TNC: variants seen among roughly 807,000 people sequenced by gnomAD.
TNC encodes tenascin C.
In TNC, 109 loss-of-function variants were observed where a neutral mutation model predicts 202.4. That is an observed-to-expected ratio of 0.54 (90% confidence interval 0.46 to 0.63). The LOEUF (loss-of-function observed/expected upper bound fraction) is 0.63. TNC is among the 30% of genes least tolerant of loss of function. The pLI is 0.00. For synonymous variants in TNC, 1,007 were observed against 1,089.7 expected, an observed-to-expected ratio of 0.92 and a Z score of 1.50; for missense variants, 2,756 against 2,833.3, an observed-to-expected ratio of 0.97 and a Z score of 0.62.
intron 1 of TNC, among the ~76,000 whole-genome samples, chr9:115,102,724 T>C (rs985378295): frequency 2.0e-5 from 3 of 152,258 alleles, no homozygotes; most frequent in African/African-American, 7.2e-5. Flanking sequence ...CTATAAACAG[T>C]TGGTTTGCAT....
chr9:115,080,274 A>G (rs936689372), intron 6 of TNC, among the ~76,000 whole-genome samples: 4 of 152,154 alleles, frequency 2.6e-5, no homozygotes, highest in Non-Finnish European at 4.4e-5. Context: ...CCTCCATAGC[A>G]ACTAAGCATT....
In TNC at chr9:115,019,966, T is replaced by C. The variant is rs1322040672; in HGVS notation, c.*1191A>G. 1 of 152,160 alleles carries C rather than the reference T, an allele frequency of 6.6e-6. No homozygotes were observed. The highest frequency in any genetic ancestry group is 1.5e-5 in the Non-Finnish European group (1 of 68,034). The allele number at this position is 152,160 out of a possible 1,614,324, so 9.4% of individuals were successfully genotyped here. ...GCATTAGAAAATGAGTATAAAAGCA[T>C]CTTTTAAACCATAATCTATTAGTCT... On this transcript the variant is annotated 3_prime_UTR_variant, in exon 28 of 28. Transcript: ENST00000350763.
chr9:115,080,658 C>T (rs142514410), intron 6 of TNC, among the ~76,000 whole-genome samples: 1,857 of 151,946 alleles, frequency 0.012, 38 homozygotes, highest in African/African-American at 0.043. Context: ...CGCCTGTAAT[C>T]CTAGCACTTT....
At chr9:115,024,247 G>C (rs545977451) in intron 26 of TNC, 111 bp from the exon 27 acceptor site, 306 of 1,109,284 alleles carry the variant, frequency 2.8e-4, no homozygotes, top group Non-Finnish European at 2.8e-4. Flanking sequence ...TGTGGGACTG[G>C]CCTTGAACAT....
chr9:115,024,251 T>C, intron 26 of TNC, 115 bp from the exon 27 acceptor site: 1 of 1,039,916 alleles, frequency 9.6e-7, no homozygotes, highest in South Asian at 1.6e-5. Flanking sequence ...GGACTGGCCT[T>C]GAACATTGAT....
At chr9:115,112,897 A>C (rs1383123065) in intron 1 of TNC, 1 of 152,652 alleles carries the variant, frequency 6.6e-6, no homozygotes, top group African/African-American at 2.4e-5. Flanking sequence ...GGGGGATTCC[A>C]GGCAGCCTGC....
chr9:115,033,147 T>C (rs1830070270), intron 22 of TNC, among the ~76,000 whole-genome samples: 1 of 152,176 alleles, frequency 6.6e-6, no homozygotes, highest in South Asian at 2.1e-4. Context: ...CATAAATTGT[T>C]GGAGGCAGAG....
chr9:115,071,052 C>T (rs912630393), intron 10 of TNC, among the ~76,000 whole-genome samples: 5 of 152,194 alleles, frequency 3.3e-5, no homozygotes, highest in Non-Finnish European at 5.9e-5. Context: ...AATGTTATCT[C>T]AGTGTCTGTT....
rs1458333058 is a variant in TNC at position 115,087,039 on chromosome 9, C to T, written c.692G>A (p.Cys231Tyr). 1.2e-6 allele frequency: 2 copies of T among 1,613,550 alleles called. No homozygotes were observed. Among genetic ancestry groups the T allele is most frequent in the Non-Finnish European group, 1.7e-6 (2 of 1,179,540 alleles). The change falls in exon 3 of 28, where the codon TGC (cysteine) becomes TAC (tyrosine). Residue 231 changes from cysteine to tyrosine, a missense_variant. Coordinates refer to ENST00000350763, the MANE Select transcript of TNC (RefSeq NM_002160.4). Reference protein sequence around the residue: ...CPSDCNDQGKCVNGVCICFEG... With the variant: ...CPSDCNDQGKYVNGVCICFEG... ...GAAACAGATGCAGACTCCATTTACG[C>T]ACTTGCCCTGGTCATTGCAGTCGCT...
chr9:115,057,582 C>T (rs1832234993), intron 14 of TNC, among the ~76,000 whole-genome samples, 157 bp from the exon 15 acceptor site: 1 of 152,056 alleles, frequency 6.6e-6, no homozygotes, highest in African/African-American at 2.4e-5. Context: ...CAATTAGTGC[C>T]AAAGGGAGAG....
chr9:115,095,482 ATATATATATGTATATATATG>A (rs1262699503), intron 1 of TNC, among the ~76,000 whole-genome samples: 644 of 39,480 alleles, frequency 0.016, 110 homozygotes, highest in African/African-American at 0.054. Flanking sequence ...ATATATATGT[ATATATATATGTATATATATG>A]TATATATATA....
intron 13 of TNC, among the ~76,000 whole-genome samples, chr9:115,060,713 A>C (rs1832479612): frequency 6.6e-6 from 1 of 152,198 alleles, no homozygotes; most frequent in Admixed American, 6.5e-5. Context: ...GGGTTGATAA[A>C]GTGTATGCTG....
At position 115,081,935 on chromosome 9, in the gene TNC, G is replaced by A; in HGVS notation, c.2248-7C>T. ...CTCCCTCATCTTCTTTATTCTGAGA[G>A]ATAGAGGCAGCTTGGTAAGAGTTAG... On this transcript the variant is annotated splice_region_variant and splice_polypyrimidine_tract_variant and intron_variant, in intron 5 of 27. Coordinates refer to ENST00000350763, the MANE Select transcript of TNC (RefSeq NM_002160.4). The A allele has an allele frequency of 1.9e-6, 3 of 1,580,440 alleles. No individual in the cohort carries two copies. The highest frequency in any genetic ancestry group is 2.6e-6 in the Non-Finnish European group (3 of 1,171,674).
chr9:115,084,991 C>T (rs373089869), intron 3 of TNC, among the ~76,000 whole-genome samples: 3 of 152,130 alleles, frequency 2.0e-5, no homozygotes, highest in Middle Eastern at 3.2e-3. Context: ...TCCCTGCTTG[C>T]GCCACATTGA....
chr9:115,059,805 T>C lies in TNC; in HGVS notation c.4231A>G (p.Thr1411Ala). Residue 1411 changes from threonine to alanine, a missense_variant, in exon 14 of 28, where the codon ACG (threonine) becomes GCG (alanine). Around this residue, in one of 2 missense-constraint regions of TNC, gnomAD observed 2,559 missense variants for 2,546.0 expected, o/e 1.01. Transcript: ENST00000350763. ...CCATAGATGGAGACTCTATAAGGCG[T>C]GGCAGCCTCGAGGCCCGGGATGTCC... ...AVDIPGLEAA[T>A]PYRVSIYGVI... The C allele has an allele frequency of 6.2e-7, 1 of 1,614,108 alleles. No homozygotes were observed. Among genetic ancestry groups the C allele is most frequent in the Non-Finnish European group, 8.5e-7 (1 of 1,179,990 alleles).
In TNC at chr9:115,086,779, C is replaced by T; in HGVS notation, c.952G>A (p.Asp318Asn). 1 of 1,614,028 alleles carries T rather than the reference C, an allele frequency of 6.2e-7. No individual in the cohort carries two copies. Residue 318 changes from aspartate to asparagine, a missense_variant, in exon 3 of 28, where the codon GAC becomes AAC. By Grantham distance (23) the Asp-to-Asn change is conservative. Coordinates refer to ENST00000350763, the MANE Select transcript of TNC (RefSeq NM_002160.4). ...ATGCAGCGGCCCCGGTCGAAGCAGTCATTGGGGCAGATGAGCTCACTGCAG... is the reference window on the plus strand; with the variant it reads ...ATGCAGCGGCCCCGGTCGAAGCAGTTATTGGGGCAGATGAGCTCACTGCAG... The part of the protein sequence containing the change: ...EDCSELICPN[D>N]CFDRGRCING...
In TNC at chr9:115,086,017, G is replaced by C. The variant is rs999968469; in HGVS notation, c.1714C>G (p.Arg572Gly). 1.2e-6 allele frequency: 2 copies of C among 1,613,952 alleles called. No individual in the cohort carries two copies. The highest frequency in any genetic ancestry group is 1.7e-6 in the Non-Finnish European group (2 of 1,179,974). The change falls in exon 3 of 28, where the codon CGC becomes GGC. Residue 572 changes from arginine to glycine, a missense_variant. Coordinates refer to ENST00000350763, the MANE Select transcript of TNC (RefSeq NM_002160.4). ...CAGATGCACTGGCCGTCCACGCAGC[G>C]GCCCTGGCCATGACAGTCACTGGGA... ...RCPSDCHGQGRCVDGQCICHE... is the reference protein window; with the variant it reads ...RCPSDCHGQGGCVDGQCICHE...
intron 9 of TNC, 69 bp from the exon 10 acceptor site, chr9:115,073,935 C>A: frequency 6.6e-7 from 1 of 1,508,488 alleles, no homozygotes; most frequent in Non-Finnish European, 8.9e-7. Flanking sequence ...GGCTGAAAGT[C>A]AACTGCATCT....
chr9:115,020,383 C>T lies in TNC; in HGVS notation c.*774G>A, dbSNP rs754449130. The T allele has an allele frequency of 2.5e-5, 4 of 157,816 alleles. No homozygotes were observed. The highest frequency in any genetic ancestry group is 4.2e-5 in the Non-Finnish European group (3 of 72,248). The allele number at this position is 157,816 out of a possible 1,614,324, so 9.8% of individuals were successfully genotyped here. On this transcript the variant is annotated 3_prime_UTR_variant, in exon 28 of 28. Coordinates refer to ENST00000350763, the MANE Select transcript of TNC (RefSeq NM_002160.4). The stretch of plus-strand genomic sequence containing the variant: ...TGTTCAACTTTATTTAAAAAAAGTG[C>T]TTCCCTCTCTCCCAGTCTTTAGTCT...
Sources: allele counts gnomAD v4.1 joint callset (sites outside exome capture counted in the v4.1 genomes callset), GRCh38; gene constraint gnomAD v4.1.1; regional missense constraint gnomAD v4.1.1; transcripts MANE v1.5; gene names NCBI Gene and HGNC (gene_info 2026-07-23, HGNC 2026-07-21).